RAB39A: variants seen among roughly 807,000 people sequenced by gnomAD.
RAB39A encodes RAB39A, member RAS oncogene family, also known as ras-related protein Rab-39A.
RAB39A carries 17 observed loss-of-function variants against 20.9 expected under a neutral mutation model. The observed-to-expected ratio is 0.81, with a 90% CI of 0.56 to 1.22. The LOEUF (loss-of-function observed/expected upper bound fraction) is 1.22. Among genes scored for constraint, RAB39A ranks in the 50% most tolerant of loss-of-function variants. RAB39A has a pLI of 0.00. For synonymous variants in RAB39A, 99 were observed against 103.4 expected (o/e 0.96, Z 0.26); for missense variants, 234 against 270.5 (o/e 0.87, Z 0.95).
chr11:107,933,780 C>T (rs1374365366), intron 1 of RAB39A, among the ~76,000 whole-genome samples: 1 of 151,768 alleles, frequency 6.6e-6, no homozygotes, highest in East Asian at 1.9e-4. Flanking sequence ...CCTGCCTCAG[C>T]CTCCTGAGTA....
chr11:107,934,624 G>C (rs938376345), intron 1 of RAB39A, among the ~76,000 whole-genome samples: 1 of 152,068 alleles, frequency 6.6e-6, no homozygotes, highest in Non-Finnish European at 1.5e-5. Context: ...TAAGCAGTAA[G>C]TGCTATAAGA....
At chr11:107,943,844 C>T (rs1028208600) in intron 1 of RAB39A, among the ~76,000 whole-genome samples, 3 of 152,106 alleles carry the variant, frequency 2.0e-5, no homozygotes, top group African/African-American at 7.2e-5. Context: ...CCTGTAATCC[C>T]AGCCCTTTGG....
chr11:107,944,431 T>C (rs1861289617), intron 1 of RAB39A, among the ~76,000 whole-genome samples: 1 of 152,170 alleles, frequency 6.6e-6, no homozygotes, highest in Non-Finnish European at 1.5e-5. Context: ...GTGGTCTTTC[T>C]CACAGACTTA....
In RAB39A at chr11:107,928,660, G is replaced by A. The variant is rs1340446761; in HGVS notation, c.92G>A (p.Gly31Asp). The part of the protein sequence containing the change: ...KSCLLHRFTQ[G>D]RFPGLRSPAC... ...TGCCTCCTGCACCGCTTCACCCAGG[G>A]CCGCTTCCCCGGGCTGCGCTCCCCC... Residue 31 changes from glycine (G) to aspartate (D), a missense_variant, in exon 1 of 2, where the codon GGC becomes GAC. Physicochemically the swap from Gly to Asp is moderately conservative, Grantham distance 94. Coordinates refer to ENST00000320578, the MANE Select transcript of RAB39A (RefSeq NM_017516.3). The surrounding 1 kb of genome is among the most constrained non-coding windows in gnomAD (Gnocchi z 4.9). 1 of 1,612,674 alleles carries A rather than the reference G, an allele frequency of 6.2e-7. No individual in the cohort carries two copies. Among genetic ancestry groups the A allele is most frequent in the Non-Finnish European group, 8.5e-7 (1 of 1,179,136 alleles).
At chr11:107,947,296 A>G (rs1260856314) in intron 1 of RAB39A, among the ~76,000 whole-genome samples, 1 of 151,988 alleles carries the variant, frequency 6.6e-6, no homozygotes, top group African/African-American at 2.4e-5. Context: ...TTTAGTAGAG[A>G]CAGGGTTTCA....
At chr11:107,943,035 A>G (rs1861274862) in intron 1 of RAB39A, among the ~76,000 whole-genome samples, 1 of 152,196 alleles carries the variant, frequency 6.6e-6, no homozygotes. Flanking sequence ...AGTAACAAAT[A>G]ACCCTCCCCT....
intron 1 of RAB39A, among the ~76,000 whole-genome samples, chr11:107,942,226 A>C (rs1352501155): frequency 2.6e-5 from 4 of 152,108 alleles, no homozygotes; most frequent in Non-Finnish European, 5.9e-5. Flanking sequence ...AGAGAAGAAA[A>C]AGAGTAAGAG....
chr11:107,945,322 A>G (rs1479837173), intron 1 of RAB39A, among the ~76,000 whole-genome samples: 1 of 141,762 alleles, frequency 7.1e-6, no homozygotes, highest in East Asian at 2.0e-4. Context: ...TCTCTACAAA[A>G]AAAAAAAAAA....
chr11:107,946,875 G>T (rs999480926), intron 1 of RAB39A, among the ~76,000 whole-genome samples: 1 of 151,848 alleles, frequency 6.6e-6, no homozygotes, highest in East Asian at 2.0e-4. Flanking sequence ...ATCACTTGAG[G>T]TCTGGAGTTT....
chr11:107,934,725 G>C (rs1861175711), intron 1 of RAB39A, among the ~76,000 whole-genome samples: 1 of 37,746 alleles, frequency 2.6e-5, no homozygotes, highest in South Asian at 1.4e-3. Context: ...TCAGGAGTTC[G>C]AGACCAGCCT....
chr11:107,937,831 C>T (rs1211528729), intron 1 of RAB39A, among the ~76,000 whole-genome samples: 1 of 152,150 alleles, frequency 6.6e-6, no homozygotes, highest in Admixed American at 6.6e-5. Flanking sequence ...GAAAAAATAT[C>T]TCATTGACTA....
intron 1 of RAB39A, among the ~76,000 whole-genome samples, chr11:107,947,055 A>AT (rs1861326686): frequency 6.6e-6 from 1 of 152,128 alleles, no homozygotes; most frequent in African/African-American, 2.4e-5. Context: ...TTGAAAAAAA[A>AT]AATCTCAAAA....
intron 1 of RAB39A, among the ~76,000 whole-genome samples, chr11:107,950,304 G>C (rs1861364527): frequency 6.6e-6 from 1 of 152,058 alleles, no homozygotes. Context: ...AAAGAAATAA[G>C]CTTTTTTTAT....
intron 1 of RAB39A, among the ~76,000 whole-genome samples, chr11:107,943,730 G>T (rs776602335): frequency 9.2e-5 from 14 of 152,136 alleles, no homozygotes; most frequent in Non-Finnish European, 2.1e-4. Flanking sequence ...TAGAATCCAG[G>T]CTACACTGCT....
At chr11:107,938,268 G>A (rs4414189) in intron 1 of RAB39A, among the ~76,000 whole-genome samples, 96,722 of 150,032 alleles carry the variant, frequency 0.64, 31,907 homozygotes, top group East Asian at 0.77. Context: ...GCGGAGGCAG[G>A]AGAATTGCTT....
rs557217952 is a variant in RAB39A at position 107,936,970 on chromosome 11, G to T, written c.227+8175G>T. Among the ~76,000 whole-genome samples the T allele has an allele frequency of 4.6e-5, 7 of 152,028 alleles. No individual in the cohort carries two copies. The South Asian group carries it at 1.5e-3, about 32-fold the overall frequency. On this transcript the variant is annotated intron_variant, in intron 1 of 1. Coordinates refer to ENST00000320578, the MANE Select transcript of RAB39A (RefSeq NM_017516.3). ...AAACAAATGAAGAAAATGATTGGTG[G>T]GTCCATAATTGCATAGGTAACAGAG... is the stretch of plus-strand genomic sequence containing the variant.
chr11:107,951,931 A>G (rs1052692407), intron 1 of RAB39A, among the ~76,000 whole-genome samples: 3 of 152,184 alleles, frequency 2.0e-5, no homozygotes, highest in African/African-American at 7.2e-5. Context: ...CTCAGTAATC[A>G]TGTCATTTGT....
chr11:107,960,387 G>A (rs972020828), intron 1 of RAB39A, among the ~76,000 whole-genome samples: 1 of 152,190 alleles, frequency 6.6e-6, no homozygotes, highest in East Asian at 1.9e-4. Context: ...AAAGAGGTGA[G>A]TGGCAGGGAA....
rs560804709 is a variant in RAB39A, at chr11:107,952,876, C to T, written c.228-9070C>T. ...CCAGCCTGGTGACAGAACGAGACTC[C>T]GTCTCAAAAAAATAAATAAAAATAA... On this transcript the variant is annotated intron_variant, in intron 1 of 1. Transcript: ENST00000320578. Among the ~76,000 whole-genome samples the T allele has an allele frequency of 4.6e-5, 7 of 152,020 alleles. No individual in the cohort carries two copies. The South Asian group carries it at 6.2e-4, about 14-fold the overall frequency.
Sources: allele counts gnomAD v4.1 joint callset (sites outside exome capture counted in the v4.1 genomes callset), GRCh38; gene constraint gnomAD v4.1.1; non-coding constraint Gnocchi (gnomAD v3.1); transcripts MANE v1.5; gene names NCBI Gene and HGNC (gene_info 2026-07-23, HGNC 2026-07-21).